SNX13: variants seen among roughly 807,000 people sequenced by gnomAD.
The protein encoded by SNX13 is sorting nexin 13, also known as sorting nexin-13.
A neutral mutation model predicts 133.6 loss-of-function variants in SNX13; 45 were observed. The observed-to-expected ratio is 0.34, with a 90% confidence interval of 0.27 to 0.43. The LOEUF is 0.43. Among genes scored for constraint, SNX13 ranks in the 20% least tolerant of loss-of-function variants. The probability of loss-of-function intolerance (pLI) is 1.00; values close to 1 mark genes in which losing one functional copy is unlikely to be tolerated. For missense variants in SNX13, 1,032 were observed against 1,145.1 expected (o/e 0.90, Z 1.43); for synonymous variants, 414 against 373.9 (o/e 1.11, Z -1.24).
intron 20 of SNX13, among the ~76,000 whole-genome samples, chr7:17,810,622 A>G (rs778572820): frequency 6.6e-6 from 1 of 152,238 alleles, no homozygotes. Flanking sequence ...AACAACAGAA[A>G]AAGAGGGAGT....
At chr7:17,825,499 G>A (rs888148183) in intron 17 of SNX13, among the ~76,000 whole-genome samples, 6 of 152,114 alleles carry the variant, frequency 3.9e-5, no homozygotes, top group Admixed American at 1.3e-4. Context: ...TAGCAATGAT[G>A]AAAACTGGTT....
intron 1 of SNX13, among the ~76,000 whole-genome samples, chr7:17,928,571 T>C (rs1316454596): frequency 6.6e-6 from 1 of 152,102 alleles, no homozygotes; most frequent in Non-Finnish European, 1.5e-5. Flanking sequence ...GGCAAAATTC[T>C]GCACATAATA....
chr7:17,883,858 T>C (rs1795661361), intron 5 of SNX13, among the ~76,000 whole-genome samples: 1 of 152,198 alleles, frequency 6.6e-6, no homozygotes, highest in African/African-American at 2.4e-5. Flanking sequence ...CTGAGAATGA[T>C]GGTTTCCAGC....
intron 1 of SNX13, among the ~76,000 whole-genome samples, chr7:17,915,371 C>A (rs1459826527): frequency 6.6e-6 from 1 of 152,194 alleles, no homozygotes; most frequent in African/African-American, 2.4e-5. Context: ...GATTACAGCC[C>A]CCTGGGCGGC....
At chr7:17,939,055 AAGTATTTATC>A (rs552878448) in intron 1 of SNX13, among the ~76,000 whole-genome samples, 25 of 152,354 alleles carry the variant, frequency 1.6e-4, no homozygotes, top group African/African-American at 5.8e-4. Context: ...ATCAACCAGT[AAGTATTTATC>A]ATATGCCAGG....
At chr7:17,846,559 T>C (rs1790552129) in intron 11 of SNX13, among the ~76,000 whole-genome samples, 1 of 152,050 alleles carries the variant, frequency 6.6e-6, no homozygotes, top group African/African-American at 2.4e-5. Context: ...AACCCTCTAT[T>C]TAAAAAAGAA....
At chr7:17,826,140 A>C in intron 16 of SNX13, 49 bp from the exon 17 acceptor site, 1 of 1,228,624 alleles carries the variant, frequency 8.1e-7, no homozygotes, top group Non-Finnish European at 1.1e-6. Flanking sequence ...TATAGGGAAA[A>C]AAAAGAGTAA....
At position 17,897,444 on chromosome 7, in the gene SNX13, G is replaced by T; in HGVS notation, c.15C>A (p.Ala5=). The change falls in exon 2 of 26, where the codon GCC becomes GCA. Residue 5 remains alanine, a splice_region_variant and synonymous_variant. Coordinates refer to ENST00000428135, the MANE Select transcript of SNX13 (RefSeq NM_015132.5). The part of the protein sequence containing the change: MLTE[A]SLSIWGWGSL... ...TTCCCCATCCCCATATGGATAGACT[G>T]GCCTGAAATACAGAAAAAATATAAG... 1.3e-6 allele frequency: 2 copies of T among 1,541,952 alleles called. No homozygotes were observed. The highest frequency in any genetic ancestry group is 1.8e-6 in the Non-Finnish European group (2 of 1,137,294).
intron 13 of SNX13, among the ~76,000 whole-genome samples, chr7:17,835,486 AT>A (rs1789032289): frequency 6.6e-6 from 1 of 151,990 alleles, no homozygotes; most frequent in African/African-American, 2.4e-5. Context: ...ATTTCAAAGT[AT>A]ATAACACAAG....
intron 16 of SNX13, among the ~76,000 whole-genome samples, chr7:17,829,558 C>T (rs1415025794): frequency 6.7e-6 from 1 of 149,446 alleles, no homozygotes; most frequent in African/African-American, 2.4e-5. Context: ...TTAGTGTAGA[C>T]TTAAAGAAAT....
At chr7:17,858,854 T>G (rs1308098059) in intron 9 of SNX13, among the ~76,000 whole-genome samples, 1 of 152,128 alleles carries the variant, frequency 6.6e-6, no homozygotes, top group Non-Finnish European at 1.5e-5. Context: ...CCAAGGAAAT[T>G]AATTTTATGA....
chr7:17,880,065 T>TA (rs1795167206), intron 5 of SNX13: 1 of 152,222 alleles, frequency 6.6e-6, no homozygotes, highest in Admixed American at 6.5e-5. Context: ...TTCAATTATA[T>TA]AAATCTTCCT....
At chr7:17,824,076 G>C (rs1787602504) in intron 17 of SNX13, among the ~76,000 whole-genome samples, 1 of 152,046 alleles carries the variant, frequency 6.6e-6, no homozygotes, top group Admixed American at 6.6e-5. Context: ...ACATATATTG[G>C]TTTTGTGAAG....
intron 25 of SNX13, chr7:17,795,821 T>C (rs1000519344): frequency 1.3e-5 from 2 of 151,922 alleles, no homozygotes; most frequent in African/African-American, 2.4e-5. Context: ...TCCTAAGCAA[T>C]TGTTTCTTAT....
rs57618763 is a variant in SNX13, at chr7:17,877,045, GAAA to G, written c.441-1258_441-1256del. 8.3e-4 allele frequency among the ~76,000 whole-genome samples: 50 copies of G among 60,056 alleles called. 1 individual carries two copies. Among genetic ancestry groups the G allele is most frequent in the African/African-American group, 1.9e-3 (36 of 19,176 alleles). 39.4% of individuals were successfully genotyped at this position (60,056 alleles called of 152,430 possible). On this transcript the variant is annotated intron_variant, in intron 5 of 25. Coordinates refer to ENST00000428135, the MANE Select transcript of SNX13 (RefSeq NM_015132.5). ...GCTGACTTAATTACTGTTACTTTTT[GAAA>G]AAAAAAAAAAAAAAAAAAAAGCCTT...
intron 5 of SNX13, 118 bp downstream of exon 5, chr7:17,890,245 T>A (rs1333872802): frequency 2.2e-6 from 2 of 900,682 alleles, no homozygotes; most frequent in Non-Finnish European, 3.1e-6. Flanking sequence ...CCCACAGTAA[T>A]AATCTGCTGT....
At chr7:17,821,017 G>C (rs1787224165) in intron 18 of SNX13, among the ~76,000 whole-genome samples, 1 of 151,926 alleles carries the variant, frequency 6.6e-6, no homozygotes, top group Non-Finnish European at 1.5e-5. Flanking sequence ...ATATTACTTG[G>C]TTAATATTAA....
chr7:17,841,287 G>A (rs1789839504), intron 12 of SNX13, among the ~76,000 whole-genome samples: 1 of 151,802 alleles, frequency 6.6e-6, no homozygotes, highest in Admixed American at 6.6e-5. Flanking sequence ...TCTCCCTTTG[G>A]GAGCCATGCA....
intron 15 of SNX13, chr7:17,832,095 A>C (rs910683734): frequency 6.1e-6 from 6 of 983,070 alleles, no homozygotes; most frequent in Non-Finnish European, 7.2e-6. Flanking sequence ...TCAAACTACA[A>C]TCAATGATTC....
Sources: allele counts gnomAD v4.1 joint callset (sites outside exome capture counted in the v4.1 genomes callset), GRCh38; gene constraint gnomAD v4.1.1; transcripts MANE v1.5; gene names NCBI Gene and HGNC (gene_info 2026-07-23, HGNC 2026-07-21).